The following RBFOX1 variants were observed in gnomAD, a reference collection of about 807,000 sequenced individuals.
The protein encoded by RBFOX1 is RNA binding fox-1 homolog 1.
RBFOX1 carries 8 observed loss-of-function variants against 57.7 expected under a neutral mutation model. The observed-to-expected ratio is 0.14, with a 90% CI of 0.08 to 0.25. The LOEUF is 0.25. Among genes scored for constraint, RBFOX1 ranks in the 10% least tolerant of loss-of-function variants. RBFOX1 has a pLI of 1.00. For missense variants in RBFOX1, 611 were observed against 548.5 expected (o/e 1.11, Z -1.14); for synonymous variants, 326 against 222.4 (o/e 1.47, Z -4.15).
intron 3 of RBFOX1, among the ~76,000 whole-genome samples, chr16:6,929,942 C>A (rs149777542): frequency 1.3e-5 from 2 of 152,048 alleles, no homozygotes; most frequent in Non-Finnish European, 2.9e-5. Context: ...CATTCCTTAC[C>A]CCATAGTTCG....
chr16:6,519,662 C>G (rs2096461905), intron 2 of RBFOX1, among the ~76,000 whole-genome samples: 2 of 152,248 alleles, frequency 1.3e-5, no homozygotes, highest in South Asian at 4.2e-4. Context: ...GATCACGCTA[C>G]TGCACTGCAG....
chr16:7,525,881 C>T (rs1256299392), intron 5 of RBFOX1, among the ~76,000 whole-genome samples: 1 of 152,180 alleles, frequency 6.6e-6, no homozygotes, highest in African/African-American at 2.4e-5. Context: ...TCGTCACCCA[C>T]ATCTTGTCTG....
At chr16:7,340,760 G>A (rs2096876084) in intron 4 of RBFOX1, among the ~76,000 whole-genome samples, 1 of 152,198 alleles carries the variant, frequency 6.6e-6, no homozygotes. Flanking sequence ...GAAGATGCTA[G>A]TGACTTGTCC....
intron 3 of RBFOX1, among the ~76,000 whole-genome samples, chr16:6,822,007 A>G (rs1157823797): frequency 6.6e-6 from 1 of 152,166 alleles, no homozygotes; most frequent in Non-Finnish European, 1.5e-5. Context: ...TACCTTCTAC[A>G]TGACCAAATA....
chr16:7,394,581 C>T (rs2098110780), intron 4 of RBFOX1, among the ~76,000 whole-genome samples: 1 of 152,144 alleles, frequency 6.6e-6, no homozygotes, highest in Non-Finnish European at 1.5e-5. Flanking sequence ...TCTTGGGGTC[C>T]AGGGTCATAG....
rs377422478 is a variant in RBFOX1 at position 6,796,703 on chromosome 16, T to C, written c.-16+142053T>C. Among the ~76,000 whole-genome samples the C allele has an allele frequency of 2.6e-5, 4 of 152,294 alleles. No individual in the cohort carries two copies. In the East Asian group the frequency reaches 7.7e-4, roughly 29 times the overall value. ...TTACCAATTGGTAAGAGATTCTTTT[T>C]TGATGAACTTTCTCTCCTGGGTACA... is the stretch of plus-strand genomic sequence containing the variant. On this transcript the variant is annotated intron_variant, in intron 3 of 15. Coordinates refer to ENST00000550418, the MANE Select transcript of RBFOX1 (RefSeq NM_018723.4).
chr16:5,758,180 C>T lies in RBFOX1; in HGVS notation c.319-109123C>T, dbSNP rs187772880. Among the ~76,000 whole-genome samples the T allele has an allele frequency of 4.6e-5, 7 of 152,352 alleles. No individual in the cohort carries two copies. In the East Asian group the frequency reaches 1.2e-3, roughly 25 times the overall value. ...AATTAGCGTTTCTTCTGAACTCTGC[C>T]ATCCATTGGCTTTTTAACAAATGAT... is the stretch of plus-strand genomic sequence containing the variant. On this transcript the variant is annotated intron_variant, in intron 3 of 19. Coordinates refer to the RBFOX1 transcript ENST00000641259.
chr16:6,637,483 TC>T, intron 2 of RBFOX1, among the ~76,000 whole-genome samples: 2 of 59,820 alleles, frequency 3.3e-5, no homozygotes, highest in African/African-American at 9.0e-5. Flanking sequence ...ATATATAATA[TC>T]CTATATATTA....
intron 3 of RBFOX1, among the ~76,000 whole-genome samples, chr16:7,024,323 G>A (rs1335228238): frequency 6.6e-6 from 1 of 152,048 alleles, no homozygotes; most frequent in Non-Finnish European, 1.5e-5. Flanking sequence ...GTGCCATCCT[G>A]GTACCATAAG....
At chr16:7,003,321 G>C (rs556311048) in intron 3 of RBFOX1, among the ~76,000 whole-genome samples, 1 of 152,020 alleles carries the variant, frequency 6.6e-6, no homozygotes, top group African/African-American at 2.4e-5. Context: ...TTAGCTGGGC[G>C]TGATGGTGAG....
At chr16:6,782,558 A>G (rs2081209385) in intron 3 of RBFOX1, among the ~76,000 whole-genome samples, 1 of 151,762 alleles carries the variant, frequency 6.6e-6, no homozygotes, top group Admixed American at 6.6e-5. Flanking sequence ...ATGCTTATTG[A>G]TTTCTAGTTT....
At chr16:5,495,218 A>G (rs950041591) in intron 2 of RBFOX1, among the ~76,000 whole-genome samples, 2 of 152,178 alleles carry the variant, frequency 1.3e-5, no homozygotes, top group African/African-American at 2.4e-5. Context: ...AATAGAAAGA[A>G]TTAACTTCCA....
chr16:6,334,044 G>C (rs978622874), intron 2 of RBFOX1, among the ~76,000 whole-genome samples: 1 of 152,126 alleles, frequency 6.6e-6, no homozygotes, highest in South Asian at 2.1e-4. Flanking sequence ...GATTTTTCTA[G>C]AGAAATATTT....
chr16:5,829,176 C>T (rs2056179534), intron 3 of RBFOX1, among the ~76,000 whole-genome samples: 1 of 152,158 alleles, frequency 6.6e-6, no homozygotes, highest in Non-Finnish European at 1.5e-5. Flanking sequence ...ATCTTAGAAG[C>T]TGCCTGCCAC....
At chr16:6,266,637 C>CGG (rs2074535670) in intron 1 of RBFOX1, among the ~76,000 whole-genome samples, 1 of 151,712 alleles carries the variant, frequency 6.6e-6, no homozygotes, top group African/African-American at 2.4e-5. Context: ...TCCCTTGAAC[C>CGG]CAGGAGGCGA....
chr16:7,002,706 A>G (rs907723274), intron 3 of RBFOX1, among the ~76,000 whole-genome samples: 3 of 152,220 alleles, frequency 2.0e-5, no homozygotes, highest in Admixed American at 6.5e-5. Flanking sequence ...GTGAGGGTCC[A>G]ACTCAAAAAC....
At chr16:5,394,980 C>G (rs1414903932) in intron 1 of RBFOX1, among the ~76,000 whole-genome samples, 2 of 152,214 alleles carry the variant, frequency 1.3e-5, no homozygotes, top group Admixed American at 6.5e-5. Flanking sequence ...GTGTTGCCCT[C>G]TGGCCTGTAC....
At chr16:6,935,717 C>T (rs2077253708) in intron 3 of RBFOX1, among the ~76,000 whole-genome samples, 1 of 152,150 alleles carries the variant, frequency 6.6e-6, no homozygotes, top group Non-Finnish European at 1.5e-5. Context: ...AGTGTGGCAG[C>T]TAAGCGAGAC....
intron 4 of RBFOX1, among the ~76,000 whole-genome samples, chr16:7,501,019 C>T (rs1567532993): frequency 6.6e-6 from 1 of 152,296 alleles, no homozygotes; most frequent in East Asian, 1.9e-4. Context: ...ATTTGCTTCC[C>T]CTTCCACCAT....
Sources: gnomAD v4.1 joint callset for allele counts (sites outside exome capture counted in the v4.1 genomes callset) on GRCh38, gnomAD v4.1.1 for gene constraint, MANE v1.5 for transcripts, NCBI Gene and HGNC (gene_info 2026-07-23, HGNC 2026-07-21) for gene names.